PRKAR1B: variants seen among roughly 807,000 people sequenced by gnomAD.
PRKAR1B encodes cAMP-dependent protein kinase type I-beta regulatory subunit.
A neutral mutation model predicts 46.5 loss-of-function variants in PRKAR1B; 22 were observed. The ratio of observed to expected loss-of-function variants is 0.47; its 90% CI spans 0.34 to 0.68. The LOEUF (loss-of-function observed/expected upper bound fraction) is 0.68. Among genes scored for constraint, PRKAR1B ranks in the 30% least tolerant of loss-of-function variants. The pLI is 0.01. For synonymous variants in PRKAR1B, 259 were observed against 217.7 expected (o/e 1.19, Z -1.67); for missense variants, 445 against 535.6 (o/e 0.83, Z 1.67).
rs141931692 is a variant in PRKAR1B, at chr7:611,340, G to A, written c.441-3888C>T. On this transcript the variant is annotated intron_variant, in intron 4 of 10. Coordinates refer to ENST00000537384, the MANE Select transcript of PRKAR1B (RefSeq NM_001164760.2). ...GGGGATTGAGGGCCTGAGCGTCTGG[G>A]ACGGCCACCCCCAGCTCTCTCTGGG... 3.0e-3 allele frequency among the ~76,000 whole-genome samples: 463 copies of A among 152,262 alleles called. 6 individuals carry two copies. The highest frequency in any genetic ancestry group is 0.01 in the African/African-American group (431 of 41,548).
At chr7:647,946 G>A (rs149528434) in intron 4 of PRKAR1B, among the ~76,000 whole-genome samples, 118 of 151,210 alleles carry the variant, frequency 7.8e-4, no homozygotes, top group South Asian at 7.3e-3. Flanking sequence ...AGAAGTTTGC[G>A]ACCAGCTCGA....
chr7:647,523 C>G (rs1784678421), intron 4 of PRKAR1B, among the ~76,000 whole-genome samples: 1 of 152,080 alleles, frequency 6.6e-6, no homozygotes, highest in Non-Finnish European at 1.5e-5. Flanking sequence ...CACGTACCTC[C>G]AGGCCAGGCG....
At chr7:626,163 T>C (rs1248474568) in intron 4 of PRKAR1B, among the ~76,000 whole-genome samples, 2 of 152,150 alleles carry the variant, frequency 1.3e-5, no homozygotes, top group East Asian at 3.9e-4. Context: ...ATTAAAGAAG[T>C]TGAATCAGTA....
In PRKAR1B at chr7:651,741, A is replaced by AAC. The variant is rs1262560846; in HGVS notation, c.440+25487_440+25488insGT. 6.6e-3 allele frequency among the ~76,000 whole-genome samples: 652 copies of AAC among 98,664 alleles called. 2 individuals are homozygous for AAC. The highest frequency in any genetic ancestry group is 0.014 in the Middle Eastern group (2 of 146). 64.7% of individuals were successfully genotyped at this position (98,664 alleles called of 152,430 possible). ...CGGAAGACAGTTCACACCCACACGGAGCTAGGAACCTGGGGAAACCCCTCT... is the reference window on the plus strand; with the variant it reads ...CGGAAGACAGTTCACACCCACACGGAACGCTAGGAACCTGGGGAAACCCCTCT... On this transcript the variant is annotated intron_variant, in intron 4 of 10. Coordinates refer to ENST00000537384, the MANE Select transcript of PRKAR1B (RefSeq NM_001164760.2).
At chr7:638,556 C>T (rs1047752501) in intron 4 of PRKAR1B, among the ~76,000 whole-genome samples, 3 of 152,088 alleles carry the variant, frequency 2.0e-5, no homozygotes, top group African/African-American at 7.3e-5. Flanking sequence ...GCGACCCTTC[C>T]TCAATGCCAG....
intron 2 of PRKAR1B, among the ~76,000 whole-genome samples, chr7:682,155 C>T (rs1778721075): frequency 6.6e-6 from 1 of 152,060 alleles, no homozygotes; most frequent in South Asian, 2.1e-4. Context: ...CGTCCTAAGG[C>T]CACACCGGGT....
At chr7:710,935 C>G (rs984546636) in intron 2 of PRKAR1B, among the ~76,000 whole-genome samples, 1 of 152,128 alleles carries the variant, frequency 6.6e-6, no homozygotes, top group Admixed American at 6.5e-5. Context: ...TGAGCTACCC[C>G]GTGGGAGCTA....
chr7:670,114 C>T (rs952701735), intron 4 of PRKAR1B, among the ~76,000 whole-genome samples: 6 of 151,954 alleles, frequency 3.9e-5, no homozygotes, highest in Middle Eastern at 3.4e-3. Flanking sequence ...GTGATCCACC[C>T]GCCTCGGCCT....
intron 5 of PRKAR1B, 125 bp downstream of exon 5, chr7:607,266 A>T: frequency 7.0e-6 from 6 of 851,656 alleles, no homozygotes; most frequent in Non-Finnish European, 1.1e-5. Context: ...TGCCCACCTC[A>T]GCCTCCCAAA....
chr7:703,821 T>C (rs1438565523), intron 2 of PRKAR1B, among the ~76,000 whole-genome samples: 1 of 152,058 alleles, frequency 6.6e-6, no homozygotes, highest in Non-Finnish European at 1.5e-5. Context: ...TGATCAGCCA[T>C]AAACCACACC....
intron 8 of PRKAR1B, among the ~76,000 whole-genome samples, chr7:583,146 G>A (rs1780297331): frequency 6.6e-6 from 1 of 152,098 alleles, no homozygotes; most frequent in Non-Finnish European, 1.5e-5. Flanking sequence ...TGCCGACAAC[G>A]TCGTGTGTAG....
At chr7:590,749 C>G (rs1410640635) in intron 7 of PRKAR1B, among the ~76,000 whole-genome samples, 1 of 152,244 alleles carries the variant, frequency 6.6e-6, no homozygotes, top group Non-Finnish European at 1.5e-5. Context: ...CACAGCCCAG[C>G]AGGTCCAGAA....
chr7:650,667 C>G (rs546779604), intron 4 of PRKAR1B, among the ~76,000 whole-genome samples: 1 of 152,386 alleles, frequency 6.6e-6, no homozygotes, highest in South Asian at 2.1e-4. Flanking sequence ...GGGGACAGCC[C>G]CTTTTCTGCC....
Position 644,498 on chromosome 7 carries a change from G to A in PRKAR1B, c.440+32731C>T, listed in dbSNP as rs1050392004. Among the ~76,000 whole-genome samples the A allele has an allele frequency of 6.6e-4, 100 of 152,266 alleles. No individual in the cohort carries two copies. The highest frequency in any genetic ancestry group is 2.0e-3 in the African/African-American group (84 of 41,560). On this transcript the variant is annotated intron_variant, in intron 4 of 10. Coordinates refer to ENST00000537384, the MANE Select transcript of PRKAR1B (RefSeq NM_001164760.2). This position sits in a 1 kb window ranked among gnomAD's most constrained non-coding sequence, Gnocchi z 4.9. The stretch of plus-strand genomic sequence containing the variant: ...GGAAGCCCCACTCGGACGCCATCCC[G>A]GGGTCCAGCATCCCTCCGAGGGCCC...
At chr7:711,571 G>C (rs1780632062) in intron 1 of PRKAR1B, 44 bp from the exon 2 acceptor site, 1 of 1,562,192 alleles carries the variant, frequency 6.4e-7, no homozygotes. Context: ...GAGCTGCCCG[G>C]GGCTGCGCGC....
chr7:727,280 G>A lies in PRKAR1B; in HGVS notation c.-93C>T. The A allele has an allele frequency of 1.5e-6, 2 of 1,310,146 alleles. No individual in the cohort carries two copies. The highest frequency in any genetic ancestry group is 1.9e-6 in the Non-Finnish European group (2 of 1,033,646). 81.2% of individuals were successfully genotyped at this position (1,310,146 alleles called of 1,614,324 possible). On this transcript the variant is annotated 5_prime_UTR_variant, in exon 1 of 11. Transcript: ENST00000537384. ...TTCGCCGCCGTGCGCCGCGAGAGCT[G>A]CAGCTGCGCCGCCGCCCTGGCGCAG... is the stretch of plus-strand genomic sequence containing the variant.
intron 2 of PRKAR1B, among the ~76,000 whole-genome samples, chr7:701,386 G>A (rs945058267): frequency 1.1e-4 from 16 of 152,024 alleles, no homozygotes; most frequent in African/African-American, 2.7e-4. Flanking sequence ...AGGGACTTGC[G>A]GGAAAATATT....
At chr7:551,333 G>A in intron 10 of PRKAR1B, 56 bp downstream of exon 10, 2 of 1,511,088 alleles carry the variant, frequency 1.3e-6, no homozygotes, top group South Asian at 1.2e-5. Flanking sequence ...CCCCTCCCGA[G>A]ACCCCAAATG....
At chr7:713,374 T>A (rs563210040) in intron 1 of PRKAR1B, among the ~76,000 whole-genome samples, 116 of 150,866 alleles carry the variant, frequency 7.7e-4, no homozygotes, top group Middle Eastern at 3.4e-3. Context: ...AGCCCCCGGG[T>A]CCTGCACTCA....
Sources: allele counts gnomAD v4.1 joint callset (sites outside exome capture counted in the v4.1 genomes callset), GRCh38; gene constraint gnomAD v4.1.1; non-coding constraint Gnocchi (gnomAD v3.1); transcripts MANE v1.5; gene names NCBI Gene and HGNC (gene_info 2026-07-23, HGNC 2026-07-21).